DCLRE1C: variants seen among roughly 807,000 people sequenced by gnomAD.
DCLRE1C encodes the protein protein artemis.
In DCLRE1C, 47 loss-of-function variants were observed where a neutral mutation model predicts 61.4. That is an observed-to-expected ratio of 0.77 (90% CI 0.61 to 0.98). The LOEUF is 0.98. Among genes scored for constraint, DCLRE1C ranks in the 50% least tolerant of loss-of-function variants. DCLRE1C has a pLI of 0.00. For missense variants in DCLRE1C, 858 were observed against 816.0 expected (o/e 1.05, Z -0.63); for synonymous variants, 337 against 287.6 (o/e 1.17, Z -1.74).
At position 14,908,675 on chromosome 10, in the gene DCLRE1C, A is replaced by T; in HGVS notation, c.1812T>A (p.Asp604Glu). The T allele has an allele frequency of 6.2e-7, 1 of 1,614,172 alleles. No homozygotes were observed. The highest frequency in any genetic ancestry group is 8.5e-7 in the Non-Finnish European group (1 of 1,180,034). Residue 604 changes from aspartate to glutamate, a missense_variant, in exon 14 of 14, where the codon GAT becomes GAA. By Grantham distance (45) the Asp-to-Glu change is conservative (BLOSUM62 2). Coordinates refer to ENST00000378278, the MANE Select transcript of DCLRE1C (RefSeq NM_001033855.3). ...NVICPKDTYS[D>E]LKSRDKDVTI... ...TCACATCTTTATCTCTGCTTTTCAA[A>T]TCAGAGTAAGTATCCTTTGGGCAAA... is the stretch of plus-strand genomic sequence containing the variant.
At chr10:14,950,787 C>T (rs542192223) in intron 1 of DCLRE1C, among the ~76,000 whole-genome samples, 59 of 152,236 alleles carry the variant, frequency 3.9e-4, no homozygotes, top group Non-Finnish European at 5.4e-4. Context: ...CCCTGAGGCC[C>T]CTTCCAGCTG....
chr10:14,924,834 G>A (rs373802071), intron 11 of DCLRE1C, among the ~76,000 whole-genome samples: 33 of 151,480 alleles, frequency 2.2e-4, no homozygotes, highest in African/African-American at 5.8e-4. Flanking sequence ...GCAATAAAGC[G>A]AGACTCCATC....
chr10:14,920,965 A>G (rs560639308), intron 12 of DCLRE1C, among the ~76,000 whole-genome samples: 12 of 151,830 alleles, frequency 7.9e-5, no homozygotes, highest in Non-Finnish European at 1.6e-4. Context: ...CCTGGGTGAC[A>G]GAGCCAGACT....
At position 14,908,651 on chromosome 10, in the gene DCLRE1C, C is replaced by T; in HGVS notation, c.1836G>A (p.Val612=). ...GTTCTCCAGTACTAGGAACTATTGT[C>T]ACATCTTTATCTCTGCTTTTCAAAT... is the stretch of plus-strand genomic sequence containing the variant. The part of the protein sequence containing the change: ...YSDLKSRDKD[V]TIVPSTGEPT... The change falls in exon 14 of 14, where the codon GTG becomes GTA. Residue 612 remains valine (V), a synonymous_variant. Transcript: ENST00000378278. 2 of 1,614,122 alleles carry T rather than the reference C, an allele frequency of 1.2e-6. No homozygotes were observed. Among genetic ancestry groups the T allele is most frequent in the South Asian group, 1.1e-5 (1 of 91,072 alleles).
intron 4 of DCLRE1C, among the ~76,000 whole-genome samples, chr10:14,938,949 T>C (rs1840422604): frequency 6.6e-6 from 1 of 152,192 alleles, no homozygotes; most frequent in South Asian, 2.1e-4. Context: ...GGACTAAATG[T>C]TCGTGTCCCT....
chr10:14,938,948 G>A (rs1328744806), intron 4 of DCLRE1C, among the ~76,000 whole-genome samples: 10 of 152,158 alleles, frequency 6.6e-5, no homozygotes, highest in Admixed American at 1.3e-4. Flanking sequence ...AGGACTAAAT[G>A]TTCGTGTCCC....
intron 4 of DCLRE1C, 31 bp from the exon 5 acceptor site, chr10:14,936,624 G>A (rs1415564372): frequency 1.3e-6 from 2 of 1,540,944 alleles, no homozygotes; most frequent in East Asian, 2.3e-5. Context: ...AAATAGTAAT[G>A]GAAAGCAGTT....
At chr10:14,909,641 C>G (rs191489720) in intron 13 of DCLRE1C, among the ~76,000 whole-genome samples, 2 of 151,530 alleles carry the variant, frequency 1.3e-5, no homozygotes, top group African/African-American at 4.8e-5. Context: ...GTATCTCATT[C>G]CAGACCTACT....
chr10:14,909,122 G>T lies in DCLRE1C; in HGVS notation c.1365C>A (p.Ser455=). ...CTACTTCTTCTTCACTTTCACTGTT[G>T]GATTCTTCACAATCTACAAAGTTTG... ...RFTNFVDCEE[S]NSESEEEVGI... The change falls in exon 14 of 14, where the codon TCC becomes TCA. Residue 455 remains serine (S), a synonymous_variant. Transcript: ENST00000378278. The T allele has an allele frequency of 6.2e-7, 1 of 1,614,142 alleles. No homozygotes were observed. The highest frequency in any genetic ancestry group is 8.5e-7 in the Non-Finnish European group (1 of 1,180,036).
chr10:14,941,731 C>G (rs576912089), intron 3 of DCLRE1C, among the ~76,000 whole-genome samples: 2,042 of 152,196 alleles, frequency 0.013, 37 homozygotes, highest in African/African-American at 0.046. Context: ...TCATTGCCTT[C>G]TTTTGTGACA....
At chr10:14,943,490 C>T (rs1034153761) in intron 3 of DCLRE1C, among the ~76,000 whole-genome samples, 3 of 152,112 alleles carry the variant, frequency 2.0e-5, no homozygotes, top group African/African-American at 7.2e-5. Flanking sequence ...CAAATTTCAA[C>T]CTGTATTTAT....
chr10:14,900,788 TA>T (rs1221165386), downstream of DCLRE1C, among the ~76,000 whole-genome samples: 1 of 152,180 alleles, frequency 6.6e-6, no homozygotes, highest in African/African-American at 2.4e-5. Flanking sequence ...CTGAAATAGT[TA>T]CCAGTGAAAT....
chr10:14,928,713 A>T (rs1363403113), intron 9 of DCLRE1C, among the ~76,000 whole-genome samples: 1 of 152,028 alleles, frequency 6.6e-6, no homozygotes, highest in Non-Finnish European at 1.5e-5. Context: ...GGAGTTGGTT[A>T]TAAGTACAGA....
At chr10:14,925,343 C>T (rs1470623761) in intron 11 of DCLRE1C, among the ~76,000 whole-genome samples, 2 of 152,040 alleles carry the variant, frequency 1.3e-5, no homozygotes, top group East Asian at 1.9e-4. Context: ...AGGAGCACCC[C>T]CTCTCATTTA....
intron 4 of DCLRE1C, among the ~76,000 whole-genome samples, chr10:14,939,250 A>G (rs902700475): frequency 3.9e-5 from 6 of 152,154 alleles, no homozygotes; most frequent in African/African-American, 1.4e-4. Flanking sequence ...GAGTCTGACC[A>G]ACATGGTGAA....
Position 14,935,526 on chromosome 10 carries a change from G to C in DCLRE1C, c.401C>G (p.Thr134Arg), listed in dbSNP as rs759569428. ...TCCTTGCGCCAATCTGAAGTCTCCT[G>C]TGTACAGGACAGTTCCATTATTGCC... ...FQGNNGTVLY[T>R]GDFRLAQGEA... Residue 134 changes from threonine to arginine, a missense_variant, in exon 6 of 14, where the codon ACA (threonine) becomes AGA (arginine). Physicochemically the swap from Thr to Arg is moderately conservative, Grantham distance 71. Around this residue, in one of 2 missense-constraint regions of DCLRE1C, gnomAD observed 843 missense variants for 783.5 expected, o/e 1.08. Transcript: ENST00000378278. 5.6e-6 allele frequency: 9 copies of C among 1,613,982 alleles called. No homozygotes were observed. Among genetic ancestry groups the C allele is most frequent in the Non-Finnish European group, 7.6e-6 (9 of 1,180,008 alleles).
At chr10:14,910,250 A>G (rs1282518094) in intron 13 of DCLRE1C, among the ~76,000 whole-genome samples, 1 of 152,152 alleles carries the variant, frequency 6.6e-6, no homozygotes, top group African/African-American at 2.4e-5. Flanking sequence ...TTAAAGGTTC[A>G]GTGTTATGAC....
Position 14,906,884 on chromosome 10 carries a change from A to T in DCLRE1C, c.*1524T>A, listed in dbSNP as rs1340777194. On this transcript the variant is annotated 3_prime_UTR_variant, in exon 14 of 14. Coordinates refer to ENST00000378278, the MANE Select transcript of DCLRE1C (RefSeq NM_001033855.3). ...TAACACATATACTTTAGTTTTTTTT[A>T]ATTTATTTTTCTTGAGATGGGGTCT... Among the ~76,000 whole-genome samples the T allele has an allele frequency of 6.6e-6, 1 of 152,020 alleles. No homozygotes were observed. The highest frequency in any genetic ancestry group is 2.1e-4 in the South Asian group (1 of 4,818).
intron 11 of DCLRE1C, 134 bp from the exon 12 acceptor site, chr10:14,923,203 G>A (rs1837408749): frequency 1.4e-6 from 1 of 706,398 alleles, no homozygotes; most frequent in Non-Finnish European, 2.5e-6. Context: ...TGCACGTGGG[G>A]ATCACCAGGG....
Sources: gnomAD v4.1 joint callset for allele counts (sites outside exome capture counted in the v4.1 genomes callset) on GRCh38, gnomAD v4.1.1 for gene constraint, gnomAD v4.1.1 regional missense constraint, MANE v1.5 for transcripts, NCBI Gene and HGNC (gene_info 2026-07-23, HGNC 2026-07-21) for gene names.